Variants in PEBP4 observed in about 807,000 individuals in gnomAD.
PEBP4 encodes the protein phosphatidylethanolamine binding protein 4.
In PEBP4, 22 loss-of-function variants were observed where a neutral mutation model predicts 23.9. The observed-to-expected ratio is 0.92, with a 90% CI of 0.66 to 1.31. The LOEUF (loss-of-function observed/expected upper bound fraction) is 1.31, where lower values mean the gene tolerates loss of function less well. Among genes scored for constraint, PEBP4 ranks in the 40% most tolerant of loss-of-function variants. The pLI is 0.00. For missense variants in PEBP4, 324 were observed against 281.7 expected (o/e 1.15, Z -1.07); for synonymous variants, 112 against 99.3 (o/e 1.13, Z -0.76).
intron 6 of PEBP4, among the ~76,000 whole-genome samples, chr8:22,713,920 G>T (rs2128747299): frequency 6.6e-6 from 1 of 152,350 alleles, no homozygotes; most frequent in Middle Eastern, 3.4e-3. Flanking sequence ...CTCCCTGCAG[G>T]CTCCCCTGAC....
At chr8:22,796,905 C>G (rs1215459816) in intron 4 of PEBP4, among the ~76,000 whole-genome samples, 2 of 151,652 alleles carry the variant, frequency 1.3e-5, no homozygotes, top group Admixed American at 1.3e-4. Flanking sequence ...CACAATAGAT[C>G]CAGGCAACAT....
chr8:22,736,005 G>T (rs1333266139), intron 4 of PEBP4, among the ~76,000 whole-genome samples: 1 of 152,160 alleles, frequency 6.6e-6, no homozygotes, highest in Admixed American at 6.5e-5. Context: ...TTTGCATTTT[G>T]GTTCCAAAGT....
chr8:22,911,039 G>T (rs917525146), intron 3 of PEBP4, among the ~76,000 whole-genome samples: 1 of 152,102 alleles, frequency 6.6e-6, no homozygotes, highest in Non-Finnish European at 1.5e-5. Context: ...GTGCCTGTGT[G>T]GGGGCAGGGG....
At chr8:22,905,889 G>T (rs756611405) in intron 3 of PEBP4, among the ~76,000 whole-genome samples, 4 of 152,222 alleles carry the variant, frequency 2.6e-5, no homozygotes, top group Non-Finnish European at 5.9e-5. Flanking sequence ...ATCTGAGGTG[G>T]GGGCGGTGGA....
chr8:22,787,261 GA>G (rs913178827), intron 4 of PEBP4, among the ~76,000 whole-genome samples: 4 of 152,192 alleles, frequency 2.6e-5, no homozygotes, highest in Non-Finnish European at 4.4e-5. Context: ...TTTTCTAAAA[GA>G]ATGAAATATA....
chr8:22,740,694 C>T (rs1804970816), intron 4 of PEBP4, among the ~76,000 whole-genome samples: 1 of 152,180 alleles, frequency 6.6e-6, no homozygotes, highest in African/African-American at 2.4e-5. Context: ...GACCCCCTCC[C>T]CTGGGGCTCA....
intron 3 of PEBP4, among the ~76,000 whole-genome samples, chr8:22,877,388 T>C (rs1477616103): frequency 2.0e-5 from 3 of 152,212 alleles, no homozygotes; most frequent in African/African-American, 7.2e-5. Flanking sequence ...TGGCAGGTCC[T>C]TGGGACTTTT....
chr8:22,870,435 G>C (rs1391335264), intron 3 of PEBP4, among the ~76,000 whole-genome samples: 1 of 152,234 alleles, frequency 6.6e-6, no homozygotes. Flanking sequence ...TCAAGAGTGA[G>C]GGAGGGGATG....
In PEBP4 at chr8:22,805,768, CT is replaced by C. The variant is rs1585282730; in HGVS notation, c.357+11868del. ...TCTCTTTTGCTATGAATGTAAAATGCTTTAAAAAATAAAGTCTATTTTTTTT... is the reference window on the plus strand; with the variant it reads ...TCTCTTTTGCTATGAATGTAAAATGCTTAAAAAATAAAGTCTATTTTTTTT... On this transcript the variant is annotated intron_variant, in intron 4 of 6. Coordinates refer to ENST00000256404, the MANE Select transcript of PEBP4 (RefSeq NM_144962.3). Among the ~76,000 whole-genome samples, 3 of 150,678 alleles carry C rather than the reference CT, an allele frequency of 2.0e-5. No homozygotes were observed. In the East Asian group the frequency reaches 5.8e-4, roughly 29 times the overall value.
At chr8:22,879,354 T>C (rs1276075156) in intron 3 of PEBP4, 1 of 152,128 alleles carries the variant, frequency 6.6e-6, no homozygotes, top group Non-Finnish European at 1.5e-5. Flanking sequence ...AGCCTCACAA[T>C]GGGACCTGCC....
intron 3 of PEBP4, among the ~76,000 whole-genome samples, chr8:22,914,843 TTC>T (rs1267891831): frequency 2.0e-5 from 3 of 152,136 alleles, no homozygotes; most frequent in Non-Finnish European, 4.4e-5. Flanking sequence ...AACCCAGTGC[TTC>T]TCTGTGTCCC....
upstream of PEBP4, among the ~76,000 whole-genome samples, chr8:22,929,755 C>A (rs1341236004): frequency 6.6e-6 from 1 of 152,204 alleles, no homozygotes; most frequent in Non-Finnish European, 1.5e-5. Flanking sequence ...ATCGCCCAGG[C>A]TGGAGTGCAA....
At chr8:22,812,502 A>G (rs1806652699) in intron 4 of PEBP4, among the ~76,000 whole-genome samples, 1 of 152,196 alleles carries the variant, frequency 6.6e-6, no homozygotes, top group East Asian at 1.9e-4. Flanking sequence ...AGCTGAACCT[A>G]CATGTTAGGA....
At chr8:22,851,510 C>G (rs961492321) in intron 3 of PEBP4, among the ~76,000 whole-genome samples, 3 of 152,108 alleles carry the variant, frequency 2.0e-5, no homozygotes, top group Non-Finnish European at 4.4e-5. Context: ...GAGAAGGAAA[C>G]TGAGCTCAGG....
At chr8:22,765,116 TCTTC>T (rs113133723) in intron 4 of PEBP4, among the ~76,000 whole-genome samples, 5,817 of 144,972 alleles carry the variant, frequency 0.04, 144 homozygotes, top group South Asian at 0.09. Flanking sequence ...TTCCTTTATT[TCTTC>T]CTTCCTTCCT....
chr8:22,784,978 G>A (rs1006220661), intron 4 of PEBP4, among the ~76,000 whole-genome samples: 19 of 152,216 alleles, frequency 1.2e-4, no homozygotes, highest in African/African-American at 4.3e-4. Context: ...CTTGCGTGAA[G>A]GAACAGAAAC....
At chr8:22,817,784 A>G in intron 3 of PEBP4, 49 bp from the exon 4 acceptor site, 1 of 1,546,204 alleles carries the variant, frequency 6.5e-7, no homozygotes, top group Non-Finnish European at 8.9e-7. Context: ...CTGAAATAGG[A>G]AAATACCACG....
chr8:22,855,052 C>T (rs1204734043), intron 3 of PEBP4, among the ~76,000 whole-genome samples: 1 of 146,074 alleles, frequency 6.8e-6, no homozygotes, highest in Non-Finnish European at 1.5e-5. Flanking sequence ...ACATGCACCC[C>T]AGGAAAGAAA....
intron 3 of PEBP4, among the ~76,000 whole-genome samples, chr8:22,881,346 T>C (rs1808254821): frequency 6.6e-6 from 1 of 152,186 alleles, no homozygotes; most frequent in Admixed American, 6.5e-5. Context: ...TTTCCAAGTG[T>C]CCAAGGCTGG....
Sources: gnomAD v4.1 joint callset for allele counts (sites outside exome capture counted in the v4.1 genomes callset) on GRCh38, gnomAD v4.1.1 for gene constraint, MANE v1.5 for transcripts, NCBI Gene and HGNC (gene_info 2026-07-23, HGNC 2026-07-21) for gene names.